SYNE2: variants seen among roughly 807,000 people sequenced by gnomAD.
SYNE2 encodes spectrin repeat containing nuclear envelope protein 2, also known as nesprin-2.
In SYNE2, 431 loss-of-function variants were observed where a neutral mutation model predicts 856.3. The ratio of observed to expected loss-of-function variants is 0.50; its 90% CI spans 0.47 to 0.55. The LOEUF (loss-of-function observed/expected upper bound fraction) is 0.55, where lower values mean the gene tolerates loss of function less well. SYNE2 is among the 20% of genes least tolerant of loss of function. SYNE2 has a pLI of 0.00. For synonymous variants in SYNE2, 2,923 were observed against 2,872.3 expected, an observed-to-expected ratio of 1.02 and a Z score of -0.56; for missense variants, 8,129 against 8,023.2, an observed-to-expected ratio of 1.01 and a Z score of -0.50.
At chr14:64,077,488 A>T (rs933983079) in intron 54 of SYNE2, among the ~76,000 whole-genome samples, 1 of 152,152 alleles carries the variant, frequency 6.6e-6, no homozygotes, top group South Asian at 2.1e-4. Context: ...CTGGGACTCA[A>T]TCTAGGGACT....
At chr14:63,933,919 C>G (rs544085836) in intron 2 of SYNE2, among the ~76,000 whole-genome samples, 1 of 152,254 alleles carries the variant, frequency 6.6e-6, no homozygotes, top group Non-Finnish European at 1.5e-5. Flanking sequence ...ATAGGGTGAG[C>G]TATTTGGCGC....
At chr14:64,158,068 T>C (rs1482466382) in intron 85 of SYNE2, among the ~76,000 whole-genome samples, 1 of 152,202 alleles carries the variant, frequency 6.6e-6, no homozygotes, top group Admixed American at 6.5e-5. Context: ...CACCATTGCT[T>C]GCCTCCTGCT....
rs60884730 is a variant in SYNE2 at position 64,221,209 on chromosome 14, G to A, written c.20062-367G>A. Among the ~76,000 whole-genome samples the A allele has an allele frequency of 7.1e-3, 1,083 of 152,270 alleles. 14 individuals carry two copies. Among genetic ancestry groups the A allele is most frequent in the African/African-American group, 0.024 (985 of 41,546 alleles). On this transcript the variant is annotated intron_variant, in intron 111 of 115. Transcript: ENST00000555002. ...TAGCTCTGGCTGTGTCTCAGGGAAC[G>A]TGAGCCCACCCCAGCCTGTCCTGTT... is the stretch of plus-strand genomic sequence containing the variant.
chr14:63,820,995 C>T (rs917999069), intron 1 of SYNE2, among the ~76,000 whole-genome samples: 2 of 152,022 alleles, frequency 1.3e-5, no homozygotes, highest in South Asian at 2.1e-4. Context: ...AGGTGATCCA[C>T]CCACCTCAGC....
At chr14:63,842,083 C>T (rs1341057229) in intron 1 of SYNE2, among the ~76,000 whole-genome samples, 7 of 151,946 alleles carry the variant, frequency 4.6e-5, no homozygotes, top group African/African-American at 7.3e-5. Flanking sequence ...ATCCGCTTGC[C>T]TCAGCCTCCC....
chr14:64,000,420 G>A (rs1177972339), intron 27 of SYNE2, 142 bp from the exon 28 acceptor site: 21 of 750,384 alleles, frequency 2.8e-5, no homozygotes, highest in Non-Finnish European at 4.3e-5. Context: ...CTTGTAGGTG[G>A]TTGGAAAGTA....
intron 14 of SYNE2, among the ~76,000 whole-genome samples, chr14:63,980,385 T>C (rs1049234477): frequency 3.3e-5 from 5 of 152,184 alleles, no homozygotes; most frequent in African/African-American, 1.2e-4. Flanking sequence ...CTTGCCTTTT[T>C]TCCACAAGAG....
At position 63,942,123 on chromosome 14, in the gene SYNE2, A is replaced by G. The variant is rs1194022699; in HGVS notation, c.388A>G (p.Thr130Ala). The G allele has an allele frequency of 6.2e-7, 1 of 1,601,166 alleles. No individual in the cohort carries two copies. The highest frequency in any genetic ancestry group is 8.6e-7 in the Non-Finnish European group (1 of 1,169,262). The change falls in exon 6 of 116, where the codon ACA becomes GCA. Residue 130 changes from threonine to alanine, a missense_variant. By Grantham distance (58) the Thr-to-Ala change is moderately conservative. Transcript: ENST00000555002. ...NPSIILGLIW[T>A]IILHFHIEKL... ...ATCCATTATCCTTGGCCTAATTTGGACAATTATCCTGCACTTTCATGTAAG... is the reference window on the plus strand; with the variant it reads ...ATCCATTATCCTTGGCCTAATTTGGGCAATTATCCTGCACTTTCATGTAAG...
At chr14:64,092,532 C>G (rs571218375) in intron 60 of SYNE2, among the ~76,000 whole-genome samples, 2 of 152,256 alleles carry the variant, frequency 1.3e-5, no homozygotes, top group East Asian at 3.9e-4. Flanking sequence ...TCATTTCCAG[C>G]CTATGGCTAA....
chr14:63,951,010 CT>C (rs34081498), intron 7 of SYNE2, among the ~76,000 whole-genome samples: 18,271 of 144,226 alleles, frequency 0.13, 1,493 homozygotes, highest in African/African-American at 0.24. Context: ...GTGCTCATAT[CT>C]TTTTTTTTTT....
intron 1 of SYNE2, among the ~76,000 whole-genome samples, chr14:63,781,969 C>G (rs1383247824): frequency 6.6e-6 from 1 of 151,362 alleles, no homozygotes; most frequent in African/African-American, 2.4e-5. Context: ...AGAGCGAGAC[C>G]CTGTCTAAGA....
At chr14:64,074,711 C>T (rs913210046) in intron 53 of SYNE2, among the ~76,000 whole-genome samples, 5 of 152,112 alleles carry the variant, frequency 3.3e-5, no homozygotes, top group Non-Finnish European at 5.9e-5. Context: ...GCCTGGCCAA[C>T]ATGGGGAAAC....
intron 25 of SYNE2, among the ~76,000 whole-genome samples, 163 bp from the exon 26 acceptor site, chr14:63,998,056 C>T (rs1282995217): frequency 2.6e-5 from 4 of 152,176 alleles, no homozygotes; most frequent in Non-Finnish European, 4.4e-5. Flanking sequence ...CTCTGTCCTA[C>T]GGAAAGACTT....
chr14:63,909,821 A>G (rs756179796), intron 2 of SYNE2, among the ~76,000 whole-genome samples: 3 of 152,238 alleles, frequency 2.0e-5, no homozygotes, highest in African/African-American at 4.8e-5. Flanking sequence ...AGCCTGGGCA[A>G]CAAGAGCGAA....
chr14:64,045,035 A>G (rs2097175770), intron 45 of SYNE2, among the ~76,000 whole-genome samples: 1 of 152,210 alleles, frequency 6.6e-6, no homozygotes, highest in Non-Finnish European at 1.5e-5. Flanking sequence ...GTGGTGAGCC[A>G]AGGACGCCTG....
intron 51 of SYNE2, among the ~76,000 whole-genome samples, chr14:64,069,178 C>T (rs142937420): frequency 1.3e-5 from 2 of 152,328 alleles, no homozygotes; most frequent in Non-Finnish European, 2.9e-5. Context: ...GGATTACAGA[C>T]ACAGTTTTTT....
rs188953744 is a variant in SYNE2 at position 64,158,691 on chromosome 14, G to A, written c.15859G>A (p.Asp5287Asn). The A allele has an allele frequency of 3.7e-6, 6 of 1,613,954 alleles. No individual in the cohort carries two copies. The Admixed American group carries it at 6.7e-5, about 18-fold the overall frequency. The change falls in exon 86 of 116, where the codon GAT (aspartate) becomes AAT (asparagine). Residue 5287 changes from aspartate to asparagine, a missense_variant. Around this residue, in one of 3 missense-constraint regions of SYNE2, gnomAD observed 5,410 missense variants for 5,284.8 expected, o/e 1.02. Transcript: ENST00000555002. ...QEWKIYDQLY[D>N]EVNMMTIRFW... ...GTGGAAGATTTATGATCAACTCTAT[G>A]ATGAAGTGAATATGATGACAATCCG...
At chr14:63,876,499 T>A (rs531596651) in intron 1 of SYNE2, among the ~76,000 whole-genome samples, 1 of 151,720 alleles carries the variant, frequency 6.6e-6, no homozygotes, top group African/African-American at 2.4e-5. Flanking sequence ...TGTTCCTTTT[T>A]TTTTTTGAGA....
chr14:63,983,398 G>C (rs755107385), intron 17 of SYNE2, among the ~76,000 whole-genome samples: 10 of 151,986 alleles, frequency 6.6e-5, no homozygotes, highest in Non-Finnish European at 1.2e-4. Flanking sequence ...CCTTTTTACT[G>C]TAGAGCTTTC....
Sources: allele counts gnomAD v4.1 joint callset (sites outside exome capture counted in the v4.1 genomes callset), GRCh38; gene constraint gnomAD v4.1.1; regional missense constraint gnomAD v4.1.1; transcripts MANE v1.5; gene names NCBI Gene and HGNC (gene_info 2026-07-23, HGNC 2026-07-21).